Variants in LAMA2 observed in about 807,000 individuals in gnomAD.
LAMA2 encodes the protein laminin subunit alpha-2.
LAMA2 carries 269 observed loss-of-function variants against 364.8 expected under a neutral mutation model. The ratio of observed to expected loss-of-function variants is 0.74; its 90% CI spans 0.67 to 0.82. LAMA2 has a LOEUF of 0.82. Among genes scored for constraint, LAMA2 ranks in the 40% least tolerant of loss-of-function variants. The pLI, the probability that LAMA2 is intolerant of heterozygous loss-of-function variation, is 0.00. For missense variants in LAMA2, 3,807 were observed against 3,873.2 expected (o/e 0.98, Z 0.45); for synonymous variants, 1,379 against 1,370.6 (o/e 1.01, Z -0.14).
chr6:129,093,996 G>A (rs984492104), intron 3 of LAMA2, among the ~76,000 whole-genome samples: 4 of 151,980 alleles, frequency 2.6e-5, no homozygotes, highest in Non-Finnish European at 5.9e-5. Context: ...CTGGAAATGA[G>A]GTATTATAAC....
At chr6:128,918,904 C>T (rs1778520483) in intron 1 of LAMA2, among the ~76,000 whole-genome samples, 3 of 152,084 alleles carry the variant, frequency 2.0e-5, no homozygotes, top group African/African-American at 4.8e-5. Context: ...GTCACGGTGT[C>T]AGGATTGGGA....
intron 8 of LAMA2, among the ~76,000 whole-genome samples, chr6:129,159,431 G>A (rs1428048127): frequency 2.6e-5 from 4 of 152,204 alleles, no homozygotes; most frequent in Non-Finnish European, 5.9e-5. Flanking sequence ...GCGTGCCGAG[G>A]CGCAGGCAGG....
intron 2 of LAMA2, among the ~76,000 whole-genome samples, chr6:129,057,436 C>A (rs2114790582): frequency 6.6e-6 from 1 of 152,040 alleles, no homozygotes; most frequent in South Asian, 2.1e-4. Flanking sequence ...TTTTTAAATG[C>A]CCTTTGTTTC....
At chr6:129,066,817 A>G (rs1358596842) in intron 3 of LAMA2, among the ~76,000 whole-genome samples, 1 of 152,226 alleles carries the variant, frequency 6.6e-6, no homozygotes, top group Admixed American at 6.5e-5. Context: ...AAGAACACAC[A>G]ATGGGATTGA....
rs35313209 is a variant in LAMA2 at position 129,492,030 on chromosome 6, T to C, written c.8028T>C (p.Asn2676=). 0.014 allele frequency: 23,309 copies of C among 1,614,016 alleles called. 260 individuals carry two copies. Among genetic ancestry groups the C allele is most frequent in the African/African-American group, 0.05 (3,742 of 75,000 alleles). Residue 2676 remains asparagine, a synonymous_variant, in exon 57 of 65, where the codon AAT becomes AAC. Coordinates refer to ENST00000421865, the MANE Select transcript of LAMA2 (RefSeq NM_000426.4). ...AATTTCAACCTTCCCCACTCAGAAA[T>C]ATTCCTCCTTTTGAAGGCTGCATAT... The part of the protein sequence containing the change: ...PPEFQPSPLR[N]IPPFEGCIWN...
chr6:129,324,893 G>A (rs781126695), intron 28 of LAMA2, among the ~76,000 whole-genome samples: 30 of 152,166 alleles, frequency 2.0e-4, no homozygotes, highest in Non-Finnish European at 3.2e-4. Context: ...CATTCCAGGT[G>A]AGGAAACCAA....
At chr6:129,219,916 A>G (rs930803496) in intron 12 of LAMA2, among the ~76,000 whole-genome samples, 3 of 151,466 alleles carry the variant, frequency 2.0e-5, no homozygotes, top group South Asian at 2.1e-4. Context: ...ACATGTATAC[A>G]TATGTAACTA....
intron 20 of LAMA2, chr6:129,292,771 T>TTTTTA (rs1305460950): frequency 4.1e-6 from 4 of 980,764 alleles, no homozygotes; most frequent in Non-Finnish European, 4.8e-6. Context: ...CTCTGTTTTG[T>TTTTTA]TTTTATTTTA....
chr6:129,356,107 C>T (rs2114599502), intron 32 of LAMA2, among the ~76,000 whole-genome samples: 1 of 152,172 alleles, frequency 6.6e-6, no homozygotes, highest in South Asian at 2.1e-4. Context: ...GGGACAGTTG[C>T]CAGTGACCCC....
At chr6:129,475,320 T>C (rs758481785) in intron 52 of LAMA2, 70 bp from the exon 53 acceptor site, 2 of 904,540 alleles carry the variant, frequency 2.2e-6, no homozygotes, top group African/African-American at 1.7e-5. Flanking sequence ...ATTGTTTTAC[T>C]AAATGAAAAT....
At position 129,446,720 on chromosome 6, in the gene LAMA2, C is replaced by A. The variant is rs74598936; in HGVS notation, c.6429+899C>A. Among the ~76,000 whole-genome samples, 45 of 151,956 alleles carry A rather than the reference C, an allele frequency of 3.0e-4. No homozygotes were observed. The East Asian group carries it at 8.7e-3, about 29-fold the overall frequency. ...TTGGAACTAGGATGATCAGAAAAGC[C>A]CTTTCTTAGTTCATCAGTTTATATT... On this transcript the variant is annotated intron_variant, in intron 45 of 64. Coordinates refer to ENST00000421865, the MANE Select transcript of LAMA2 (RefSeq NM_000426.4).
At chr6:129,175,415 C>T (rs1780516667) in intron 9 of LAMA2, among the ~76,000 whole-genome samples, 1 of 152,146 alleles carries the variant, frequency 6.6e-6, no homozygotes, top group South Asian at 2.1e-4. Flanking sequence ...AGTATAATGA[C>T]TACCATAAGA....
chr6:129,383,902 T>C (rs1203095894), intron 35 of LAMA2, among the ~76,000 whole-genome samples: 1 of 152,182 alleles, frequency 6.6e-6, no homozygotes. Flanking sequence ...TGCATGCATG[T>C]TTAGAAATTG....
rs200241408 is a variant in LAMA2 at position 129,190,186 on chromosome 6, T to C, written c.1468-19T>C. 1.2e-4 allele frequency: 192 copies of C among 1,612,530 alleles called. No individual in the cohort carries two copies. The East Asian group carries it at 3.1e-3, about 26-fold the overall frequency. ...TGTTGAAGGATACCTCTGTTGCTGA[T>C]ACATCTCTTTATTTGCAGGAAAATG... On this transcript the variant is annotated intron_variant, in intron 10 of 64. Transcript: ENST00000421865.
chr6:129,203,989 T>G (rs1782461856), intron 12 of LAMA2, among the ~76,000 whole-genome samples: 1 of 152,246 alleles, frequency 6.6e-6, no homozygotes, highest in Non-Finnish European at 1.5e-5. Flanking sequence ...TAATTTATTT[T>G]GGAGATCTTC....
At chr6:129,460,381 T>C in intron 49 of LAMA2, 57 bp downstream of exon 49, 1 of 1,525,532 alleles carries the variant, frequency 6.6e-7, no homozygotes, top group Admixed American at 1.7e-5. Context: ...AAAGCTTCGA[T>C]TTTATTGCAT....
At chr6:129,173,200 G>A (rs1780333613) in intron 9 of LAMA2, among the ~76,000 whole-genome samples, 1 of 152,094 alleles carries the variant, frequency 6.6e-6, no homozygotes, top group Non-Finnish European at 1.5e-5. Context: ...TCCTCTCCCC[G>A]ATTCAGTTTT....
intron 5 of LAMA2, 65 bp from the exon 6 acceptor site, chr6:129,146,894 C>T: frequency 1.1e-6 from 1 of 949,834 alleles, no homozygotes; most frequent in Non-Finnish European, 1.7e-6. Flanking sequence ...TACTGAATGT[C>T]CCCTTTTGTT....
intron 32 of LAMA2, among the ~76,000 whole-genome samples, chr6:129,361,585 C>T (rs919600464): frequency 2.0e-5 from 3 of 152,186 alleles, no homozygotes; most frequent in African/African-American, 7.2e-5. Context: ...GCCTCCCTTC[C>T]TCAAGGAGGC....
Sources: allele counts gnomAD v4.1 joint callset (sites outside exome capture counted in the v4.1 genomes callset), GRCh38; gene constraint gnomAD v4.1.1; transcripts MANE v1.5; gene names NCBI Gene and HGNC (gene_info 2026-07-23, HGNC 2026-07-21).